ITFG1: variants seen among roughly 807,000 people sequenced by gnomAD.
ITFG1 encodes integrin alpha FG-GAP repeat containing 1.
ITFG1 carries 34 observed loss-of-function variants against 81.8 expected under a neutral mutation model. The ratio of observed to expected loss-of-function variants is 0.42; its 90% CI spans 0.32 to 0.55. The LOEUF is 0.55. Among genes scored for constraint, ITFG1 ranks in the 20% least tolerant of loss-of-function variants. ITFG1 has a pLI of 0.17. For missense variants in ITFG1, 672 were observed against 755.4 expected (o/e 0.89, Z 1.29); for synonymous variants, 285 against 270.6 (o/e 1.05, Z -0.52).
chr16:47,387,937 TAA>T (rs373555650), intron 6 of ITFG1, among the ~76,000 whole-genome samples: 2 of 141,806 alleles, frequency 1.4e-5, no homozygotes, highest in African/African-American at 2.6e-5. Context: ...ACAAATATGT[TAA>T]AAAAAAAAAA....
intron 6 of ITFG1, among the ~76,000 whole-genome samples, chr16:47,421,995 G>A (rs1424738012): frequency 6.6e-5 from 10 of 152,212 alleles, no homozygotes; most frequent in African/African-American, 2.2e-4. Context: ...ATGTCCCTGC[G>A]AAGGACATGA....
intron 5 of ITFG1, among the ~76,000 whole-genome samples, chr16:47,429,357 G>A (rs1969064622): frequency 6.6e-6 from 1 of 152,192 alleles, no homozygotes; most frequent in Non-Finnish European, 1.5e-5. Flanking sequence ...CCATTCATCT[G>A]AAGATCTGGC....
intron 10 of ITFG1, among the ~76,000 whole-genome samples, chr16:47,307,119 A>AAAAAAAAACAAAAAAC (rs1967180297): frequency 6.7e-6 from 1 of 148,598 alleles, no homozygotes; most frequent in African/African-American, 2.5e-5. Flanking sequence ...AAAAAAAAAA[A>AAAAAAAAACAAAAAAC]AAAACGGAGA....
chr16:47,236,523 C>G (rs191404032), intron 13 of ITFG1, among the ~76,000 whole-genome samples: 2 of 151,408 alleles, frequency 1.3e-5, no homozygotes, highest in African/African-American at 4.8e-5. Context: ...GCTATACAGC[C>G]CTTCCTATCA....
At chr16:47,156,379 G>A (rs1244175877) in intron 17 of ITFG1, among the ~76,000 whole-genome samples, 1 of 152,070 alleles carries the variant, frequency 6.6e-6, no homozygotes, top group Non-Finnish European at 1.5e-5. Context: ...CGGAAGTTGC[G>A]GTGAGTCAAG....
At chr16:47,315,726 A>G (rs1478005015) in intron 8 of ITFG1, among the ~76,000 whole-genome samples, 1 of 150,058 alleles carries the variant, frequency 6.7e-6, no homozygotes, top group Non-Finnish European at 1.5e-5. Flanking sequence ...ACAGAAAAAT[A>G]AACTCAATCA....
At chr16:47,345,859 T>C (rs765234313) in intron 8 of ITFG1, among the ~76,000 whole-genome samples, 186 of 152,214 alleles carry the variant, frequency 1.2e-3, no homozygotes, top group Non-Finnish European at 2.9e-4. Flanking sequence ...AAAATGACCA[T>C]ATATGCACCC....
chr16:47,262,796 C>A (rs1190810644), intron 10 of ITFG1: 1 of 152,546 alleles, frequency 6.6e-6, no homozygotes, highest in Non-Finnish European at 1.5e-5. Flanking sequence ...GATCTGGGTC[C>A]AGGGAGTCCC....
chr16:47,381,759 A>G (rs891376194), intron 6 of ITFG1, among the ~76,000 whole-genome samples: 1 of 152,240 alleles, frequency 6.6e-6, no homozygotes, highest in African/African-American at 2.4e-5. Flanking sequence ...ACTGAAGGCC[A>G]TATGACTTCT....
At chr16:47,373,640 T>C (rs115847162) in intron 7 of ITFG1, among the ~76,000 whole-genome samples, 89 of 152,300 alleles carry the variant, frequency 5.8e-4, no homozygotes, top group East Asian at 1.2e-3. Flanking sequence ...TAGAAGCAAC[T>C]GCTCTTTGAA....
At chr16:47,183,148 G>A (rs1319288877) in intron 14 of ITFG1, among the ~76,000 whole-genome samples, 1 of 152,226 alleles carries the variant, frequency 6.6e-6, no homozygotes, top group Non-Finnish European at 1.5e-5. Context: ...GAGTCTCGCT[G>A]ATTGCCAGCA....
rs1964795721 is a variant in ITFG1, at chr16:47,160,974, G to A, written c.1661+776C>T. Among the ~76,000 whole-genome samples the A allele has an allele frequency of 2.0e-5, 3 of 151,914 alleles. No homozygotes were observed. The South Asian group carries it at 6.2e-4, about 32-fold the overall frequency. ...AATGTAACAAGCAGGGGACCCCACTGGTTACATATTCATAGATAAATTCAC... is the reference window on the plus strand; with the variant it reads ...AATGTAACAAGCAGGGGACCCCACTAGTTACATATTCATAGATAAATTCAC... On this transcript the variant is annotated intron_variant, in intron 16 of 17. Coordinates refer to ENST00000320640, the MANE Select transcript of ITFG1 (RefSeq NM_030790.5).
intron 10 of ITFG1, among the ~76,000 whole-genome samples, chr16:47,296,401 A>T (rs377256588): frequency 6.6e-6 from 1 of 152,030 alleles, no homozygotes; most frequent in Non-Finnish European, 1.5e-5. Context: ...AAGACTGTTC[A>T]GGAGTGTGTT....
intron 8 of ITFG1, among the ~76,000 whole-genome samples, chr16:47,327,110 C>A (rs2151571653): frequency 6.6e-6 from 1 of 152,292 alleles, no homozygotes. Context: ...CAGCATGGCA[C>A]TGGTACCAAA....
chr16:47,279,153 T>C lies in ITFG1; in HGVS notation c.1071-18458A>G, dbSNP rs549047184. 3.9e-5 allele frequency among the ~76,000 whole-genome samples: 6 copies of C among 152,314 alleles called. No homozygotes were observed. The South Asian group carries it at 1.2e-3, about 32-fold the overall frequency. On this transcript the variant is annotated intron_variant, in intron 10 of 17. Transcript: ENST00000320640. ...CTGAATTTTGATAAAGGTCAACTTA[T>C]CAGCCTTTCTCTTTCGTTGACTGTG... is the stretch of plus-strand genomic sequence containing the variant.
intron 6 of ITFG1, among the ~76,000 whole-genome samples, chr16:47,400,844 G>A (rs889280439): frequency 2.0e-5 from 3 of 152,138 alleles, no homozygotes; most frequent in South Asian, 2.1e-4. Context: ...AGCACTTGGC[G>A]GGGACCAGAC....
At chr16:47,171,945 C>T (rs1020906026) in intron 14 of ITFG1, among the ~76,000 whole-genome samples, 8 of 152,052 alleles carry the variant, frequency 5.3e-5, no homozygotes, top group Admixed American at 1.3e-4. Flanking sequence ...TTTATGTTTA[C>T]TGGCAGTAAG....
intron 7 of ITFG1, among the ~76,000 whole-genome samples, chr16:47,373,767 C>T (rs1968289307): frequency 6.6e-6 from 1 of 152,186 alleles, no homozygotes; most frequent in African/African-American, 2.4e-5. Context: ...TACCATGGGG[C>T]TGTACATGCA....
At chr16:47,155,883 G>T in intron 17 of ITFG1, 105 bp from the exon 18 acceptor site, 2 of 719,242 alleles carry the variant, frequency 2.8e-6, no homozygotes, top group Non-Finnish European at 4.6e-6. Flanking sequence ...CCAGCAATTA[G>T]CAGATAATAG....
Sources: gnomAD v4.1 joint callset for allele counts (sites outside exome capture counted in the v4.1 genomes callset) on GRCh38, gnomAD v4.1.1 for gene constraint, MANE v1.5 for transcripts, NCBI Gene and HGNC (gene_info 2026-07-23, HGNC 2026-07-21) for gene names.